RNF157: variants seen among roughly 807,000 people sequenced by gnomAD.
RNF157 encodes the protein E3 ubiquitin ligase RNF157.
In RNF157, 55 loss-of-function variants were observed where a neutral mutation model predicts 88.3. That is an observed-to-expected ratio of 0.62 (90% CI 0.50 to 0.78). The LOEUF (loss-of-function observed/expected upper bound fraction) is 0.78. RNF157 is among the 30% of genes least tolerant of loss of function. The pLI is 0.00. For synonymous variants in RNF157, 334 were observed against 341.2 expected, an observed-to-expected ratio of 0.98 and a Z score of 0.23; for missense variants, 788 against 860.8, an observed-to-expected ratio of 0.92 and a Z score of 1.06.
chr17:76,207,527 G>A (rs887807958), intron 2 of RNF157, among the ~76,000 whole-genome samples: 1 of 152,208 alleles, frequency 6.6e-6, no homozygotes, highest in Non-Finnish European at 1.5e-5. Context: ...TGCTCATTCA[G>A]AAATGACAGG....
chr17:76,151,824 T>C (rs759844709), intron 18 of RNF157, among the ~76,000 whole-genome samples: 2 of 152,180 alleles, frequency 1.3e-5, no homozygotes, highest in African/African-American at 2.4e-5. Flanking sequence ...CCAAATCCAG[T>C]AGTATGTACA....
chr17:76,182,408 G>T (rs2069203516), intron 2 of RNF157, among the ~76,000 whole-genome samples: 1 of 151,954 alleles, frequency 6.6e-6, no homozygotes. Flanking sequence ...GGCCAGAAGG[G>T]TGCACGTGCA....
At chr17:76,192,143 AAAG>A (rs2069397757) in intron 2 of RNF157, among the ~76,000 whole-genome samples, 1 of 152,236 alleles carries the variant, frequency 6.6e-6, no homozygotes, top group Non-Finnish European at 1.5e-5. Context: ...AATATGTTTC[AAAG>A]AAATTTCGAG....
rs2144823863 is a variant in RNF157, at chr17:76,157,654, C to A, written c.1413+739G>T. Among the ~76,000 whole-genome samples, 1 of 152,316 alleles carries A rather than the reference C, an allele frequency of 6.6e-6. No individual in the cohort carries two copies. Among genetic ancestry groups the A allele is most frequent in the South Asian group, 2.1e-4 (1 of 4,830 alleles). On this transcript the variant is annotated intron_variant, in intron 13 of 18. Coordinates refer to ENST00000269391, the MANE Select transcript of RNF157 (RefSeq NM_052916.3). This position sits in a 1 kb window ranked among gnomAD's most constrained non-coding sequence, Gnocchi z 5.6. ...CATTGAACAAATACTTACTGAGCAA[C>A]AACAACGTGCCAGGCACATGCTATT...
chr17:76,145,738 G>A (rs1302831376), intron 18 of RNF157, among the ~76,000 whole-genome samples: 1 of 152,184 alleles, frequency 6.6e-6, no homozygotes, highest in African/African-American at 2.4e-5. Flanking sequence ...TATTTTCATT[G>A]GGGCAGGAAG....
intron 2 of RNF157, among the ~76,000 whole-genome samples, chr17:76,202,167 C>CACAT: frequency 6.6e-6 from 1 of 151,934 alleles, no homozygotes; most frequent in African/African-American, 2.4e-5. Flanking sequence ...CACACACACA[C>CACAT]ACACGTGCAT....
intron 2 of RNF157, among the ~76,000 whole-genome samples, chr17:76,188,184 G>A (rs973499949): frequency 2.0e-5 from 3 of 152,156 alleles, no homozygotes; most frequent in Admixed American, 6.5e-5. Flanking sequence ...GGTTCTAGAT[G>A]GTGAACACCC....
intron 2 of RNF157, among the ~76,000 whole-genome samples, chr17:76,190,171 T>TC (rs911234254): frequency 9.0e-4 from 96 of 107,180 alleles, no homozygotes; most frequent in African/African-American, 3.3e-3. Flanking sequence ...TTGCTCTCTC[T>TC]TTTTTTTTTT....
At chr17:76,162,663 T>G in intron 8 of RNF157, 40 bp from the exon 9 acceptor site, 15 of 1,471,210 alleles carry the variant, frequency 1.0e-5, no homozygotes, top group African/African-American at 1.4e-5. Context: ...AGGCTGTCTC[T>G]ACTGAGAGAC....
chr17:76,209,277 C>T (rs1012490421), intron 2 of RNF157, among the ~76,000 whole-genome samples: 6 of 152,084 alleles, frequency 3.9e-5, no homozygotes, highest in African/African-American at 1.2e-4. Context: ...AAGGCTGCTA[C>T]CTAGCATTTC....
In RNF157 at chr17:76,210,360, A is replaced by G. The variant is rs59936899; in HGVS notation, c.207+2004T>C. On this transcript the variant is annotated intron_variant, in intron 2 of 18. Coordinates refer to ENST00000269391, the MANE Select transcript of RNF157 (RefSeq NM_052916.3). The stretch of plus-strand genomic sequence containing the variant: ...TGTAATCCCAGCACTTTGGGAGGCC[A>G]AGGTGGGCGGATCACGAGGTCAGAT... Among the ~76,000 whole-genome samples the G allele has an allele frequency of 7.6e-3, 1,160 of 151,866 alleles. 3 individuals are homozygous for G. The highest frequency in any genetic ancestry group is 0.011 in the Non-Finnish European group (756 of 67,934).
intron 1 of RNF157, among the ~76,000 whole-genome samples, chr17:76,232,207 A>G (rs2070204221): frequency 2.0e-5 from 3 of 152,140 alleles, no homozygotes; most frequent in South Asian, 2.1e-4. Flanking sequence ...ACGTAGTGGG[A>G]CCCCGTCTTT....
Position 76,155,597 on chromosome 17 carries a change from G to A in RNF157, c.1663C>T (p.Gln555Ter). 1.2e-6 allele frequency: 2 copies of A among 1,612,438 alleles called. No homozygotes were observed. The highest frequency in any genetic ancestry group is 2.2e-5 in the East Asian group (1 of 44,872). Reference sequence around the variant, plus strand: ...TCTGAGGGGGCCCTGCTGGCAGGCTGGGGGGAAGAGAGAGCCTCTCCCTCC... The same window carrying A: ...TCTGAGGGGGCCCTGCTGGCAGGCTAGGGGGAAGAGAGAGCCTCTCCCTCC... ...EEEGEALSSP[Q>*]PASRAPSEEG... The change falls in exon 15 of 19, where the codon CAG becomes TAG. Residue 555 changes from glutamine (Q) to a stop codon, truncating the protein, a stop_gained. Transcript: ENST00000269391. LOFTEE classifies it high-confidence loss of function.
intron 9 of RNF157, 124 bp downstream of exon 9, chr17:76,162,428 G>C (rs992043867): frequency 4.2e-6 from 3 of 720,016 alleles, no homozygotes; most frequent in Non-Finnish European, 2.4e-6. Context: ...TGAGGAACAA[G>C]AAAATACCCT....
chr17:76,186,940 A>AAAATAAAT (rs201615839), intron 2 of RNF157, among the ~76,000 whole-genome samples: 5,988 of 140,818 alleles, frequency 0.043, 200 homozygotes, highest in African/African-American at 0.087. Context: ...ACTCCGACTC[A>AAAATAAAT]AAATAAATAA....
chr17:76,231,994 G>A (rs537391860), intron 1 of RNF157, among the ~76,000 whole-genome samples: 2 of 152,180 alleles, frequency 1.3e-5, no homozygotes, highest in South Asian at 2.1e-4. Flanking sequence ...AAACTCATAC[G>A]ATATATAGTC....
At chr17:76,165,452 C>G in intron 7 of RNF157, 50 bp downstream of exon 7, 1 of 1,597,860 alleles carries the variant, frequency 6.3e-7, no homozygotes, top group Non-Finnish European at 8.6e-7. Flanking sequence ...GTGTCTCACA[C>G]GAAAGAAAGG....
At chr17:76,185,643 G>A (rs377198660) in intron 2 of RNF157, among the ~76,000 whole-genome samples, 9 of 151,692 alleles carry the variant, frequency 5.9e-5, no homozygotes, top group African/African-American at 2.2e-4. Context: ...CTAATTTTTT[G>A]TATTTTCAGT....
chr17:76,206,358 G>A (rs1454057044), intron 2 of RNF157, among the ~76,000 whole-genome samples: 1 of 152,172 alleles, frequency 6.6e-6, no homozygotes, highest in Non-Finnish European at 1.5e-5. Context: ...GAGCAGAAAA[G>A]CAACACCAGC....
Sources: gnomAD v4.1 joint callset for allele counts (sites outside exome capture counted in the v4.1 genomes callset) on GRCh38, gnomAD v4.1.1 for gene constraint, Gnocchi (gnomAD v3.1) non-coding constraint, MANE v1.5 for transcripts, NCBI Gene and HGNC (gene_info 2026-07-23, HGNC 2026-07-21) for gene names.